The following BTRC variants were observed in gnomAD, a reference collection of about 807,000 sequenced individuals.
The protein encoded by BTRC is beta-transducin repeat containing E3 ubiquitin protein ligase.
In BTRC, 42 loss-of-function variants were observed where a neutral mutation model predicts 85.5. That is an observed-to-expected ratio of 0.49 (90% confidence interval 0.38 to 0.64). BTRC has a LOEUF of 0.64. Ranked by LOEUF, BTRC falls within the 30% of genes least tolerant of loss-of-function variation. The pLI is 0.00. For synonymous variants in BTRC, 255 were observed against 263.3 expected (o/e 0.97, Z 0.30); for missense variants, 594 against 743.5 (o/e 0.80, Z 2.34).
chr10:101,507,870 A>G (rs1034428627), intron 4 of BTRC, among the ~76,000 whole-genome samples: 7 of 152,168 alleles, frequency 4.6e-5, no homozygotes, highest in East Asian at 1.9e-4. Context: ...GACCCATCCA[A>G]AAATCCTTTT....
At chr10:101,458,337 G>A (rs78195642) in intron 2 of BTRC, among the ~76,000 whole-genome samples, 2 of 152,188 alleles carry the variant, frequency 1.3e-5, no homozygotes, top group Non-Finnish European at 1.5e-5. Context: ...CAACAAATCA[G>A]TGATTTTCAG....
chr10:101,440,916 T>C (rs1010757564), intron 2 of BTRC, among the ~76,000 whole-genome samples: 3 of 152,206 alleles, frequency 2.0e-5, no homozygotes, highest in Non-Finnish European at 4.4e-5. Context: ...GCCAGATTTT[T>C]GTCCTTACTT....
chr10:101,482,784 G>T (rs1453201107), intron 4 of BTRC, among the ~76,000 whole-genome samples: 1 of 152,078 alleles, frequency 6.6e-6, no homozygotes, highest in Non-Finnish European at 1.5e-5. Context: ...CCTATTTCCT[G>T]TTCTTCACCT....
chr10:101,419,159 C>T (rs756025537), intron 1 of BTRC, among the ~76,000 whole-genome samples: 1 of 152,064 alleles, frequency 6.6e-6, no homozygotes, highest in Non-Finnish European at 1.5e-5. Flanking sequence ...TATAGGCACA[C>T]ACCACCATGC....
At chr10:101,377,186 A>G (rs1247922263) in intron 1 of BTRC, among the ~76,000 whole-genome samples, 1 of 152,150 alleles carries the variant, frequency 6.6e-6, no homozygotes, top group Non-Finnish European at 1.5e-5. Flanking sequence ...TCCGTTCAGC[A>G]TAATGCCTTT....
chr10:101,436,625 A>AATAGATAGATAGATAG (rs113369211), intron 2 of BTRC, among the ~76,000 whole-genome samples: 72 of 147,082 alleles, frequency 4.9e-4, no homozygotes, highest in South Asian at 6.7e-4. Flanking sequence ...AATTAAAAAA[A>AATAGATAGATAGATAG]ATAGATAGAT....
intron 2 of BTRC, among the ~76,000 whole-genome samples, chr10:101,456,113 A>G (rs7897062): frequency 0.37 from 55,844 of 151,230 alleles, 11,473 homozygotes; most frequent in Middle Eastern, 0.49. Flanking sequence ...AGAAGTTGTA[A>G]TGAGCCGAGG....
intron 4 of BTRC, among the ~76,000 whole-genome samples, chr10:101,504,784 C>A (rs1946477580): frequency 6.6e-6 from 1 of 151,680 alleles, no homozygotes; most frequent in African/African-American, 2.4e-5. Context: ...ACCTATAATT[C>A]TCTGTCCTCC....
In BTRC at chr10:101,403,552, A is replaced by G. The variant is rs187798624; in HGVS notation, c.49-26793A>G. Among the ~76,000 whole-genome samples, 475 of 152,166 alleles carry G rather than the reference A, an allele frequency of 3.1e-3. 3 individuals are homozygous for G. The highest frequency in any genetic ancestry group is 5.1e-3 in the Non-Finnish European group (346 of 68,000). On this transcript the variant is annotated intron_variant, in intron 1 of 14. Coordinates refer to ENST00000370187, the MANE Select transcript of BTRC (RefSeq NM_033637.4). ...CAGTGAGTTTAAAAATTTTATTTTCAGTTTTCTCATTCCCATTTAGTTCTT... is the reference window on the plus strand; with the variant it reads ...CAGTGAGTTTAAAAATTTTATTTTCGGTTTTCTCATTCCCATTTAGTTCTT...
chr10:101,532,201 T>G, intron 7 of BTRC, 94 bp from the exon 8 acceptor site: 1 of 1,351,822 alleles, frequency 7.4e-7, no homozygotes, highest in Non-Finnish European at 1.0e-6. Flanking sequence ...TCCCATAGAG[T>G]AAAGCATTGA....
At chr10:101,489,498 C>T (rs1946074969) in intron 4 of BTRC, among the ~76,000 whole-genome samples, 1 of 152,006 alleles carries the variant, frequency 6.6e-6, no homozygotes, top group Non-Finnish European at 1.5e-5. Context: ...CATAAGCTCT[C>T]CATGAATAAA....
chr10:101,404,028 A>ATTTTTTTTTTT (rs1176999196), intron 1 of BTRC, among the ~76,000 whole-genome samples: 1 of 31,092 alleles, frequency 3.2e-5, no homozygotes, highest in Non-Finnish European at 5.4e-5. Flanking sequence ...ATATATATAT[A>ATTTTTTTTTTT]TATTTTTTTT....
chr10:101,433,468 A>G (rs1030441246), intron 2 of BTRC, among the ~76,000 whole-genome samples: 2 of 152,182 alleles, frequency 1.3e-5, no homozygotes, highest in African/African-American at 4.8e-5. Flanking sequence ...AATTAACTCG[A>G]TAACAGGGAG....
chr10:101,519,159 A>G (rs1392878288), intron 4 of BTRC, among the ~76,000 whole-genome samples: 3 of 150,136 alleles, frequency 2.0e-5, no homozygotes, highest in Admixed American at 6.7e-5. Flanking sequence ...CCTCACTGCA[A>G]TCTCCACCTC....
At chr10:101,482,489 G>A (rs751579333) in intron 4 of BTRC, among the ~76,000 whole-genome samples, 10 of 142,786 alleles carry the variant, frequency 7.0e-5, no homozygotes, top group South Asian at 4.6e-4. Context: ...TCCGCCTCCC[G>A]GTTTCACGCC....
intron 3 of BTRC, among the ~76,000 whole-genome samples, chr10:101,476,525 G>T (rs1463323177): frequency 6.6e-6 from 1 of 151,992 alleles, no homozygotes; most frequent in Non-Finnish European, 1.5e-5. Context: ...AGGCTGGAGT[G>T]CAATGGCATA....
chr10:101,446,558 T>G (rs1019627622), intron 2 of BTRC, among the ~76,000 whole-genome samples: 2 of 152,206 alleles, frequency 1.3e-5, no homozygotes, highest in Non-Finnish European at 2.9e-5. Flanking sequence ...CTTGCTTTTT[T>G]GGCTACTGCT....
intron 1 of BTRC, among the ~76,000 whole-genome samples, chr10:101,427,971 G>A (rs1306275316): frequency 6.6e-6 from 1 of 152,138 alleles, no homozygotes; most frequent in Non-Finnish European, 1.5e-5. Flanking sequence ...AGTAATATGA[G>A]TAGAATGTGA....
chr10:101,461,455 A>G lies in BTRC; in HGVS notation c.157-526A>G, dbSNP rs79221235. Among the ~76,000 whole-genome samples the G allele has an allele frequency of 8.0e-3, 1,214 of 152,254 alleles. 24 individuals carry two copies. The East Asian group carries it at 0.091, about 11-fold the overall frequency. ...GCTGCTGTTTGAGGTGACAGTGCCA[A>G]GGAATGGACTCTAATCCTAAACTAC... On this transcript the variant is annotated intron_variant, in intron 2 of 14. Coordinates refer to ENST00000370187, the MANE Select transcript of BTRC (RefSeq NM_033637.4).
Sources: gnomAD v4.1 joint callset for allele counts (sites outside exome capture counted in the v4.1 genomes callset) on GRCh38, gnomAD v4.1.1 for gene constraint, MANE v1.5 for transcripts, NCBI Gene and HGNC (gene_info 2026-07-23, HGNC 2026-07-21) for gene names.